CTIF: variants seen among roughly 807,000 people sequenced by gnomAD.
The protein encoded by CTIF is CBP80/20-dependent translation initiation factor.
CTIF carries 21 observed loss-of-function variants against 66.0 expected under a neutral mutation model. The observed-to-expected ratio is 0.32, with a 90% CI of 0.23 to 0.46. The LOEUF is 0.46. Ranked by LOEUF, CTIF falls within the 20% of genes least tolerant of loss-of-function variation. The pLI is 1.00. For missense variants in CTIF, 739 were observed against 812.7 expected (o/e 0.91, Z 1.10); for synonymous variants, 345 against 326.4 (o/e 1.06, Z -0.62).
chr18:48,641,774 C>G (rs901742787), intron 3 of CTIF, among the ~76,000 whole-genome samples: 5 of 152,218 alleles, frequency 3.3e-5, no homozygotes, highest in Non-Finnish European at 5.9e-5. Context: ...GGATCCAAAT[C>G]ACTGCCACAG....
rs1257831545 is a variant in CTIF at position 48,711,683 on chromosome 18, G to A, written c.572G>A (p.Arg191Lys). Residue 191 changes from arginine to lysine, a missense_variant, in exon 7 of 12, where the codon AGA (arginine) becomes AAA (lysine). Coordinates refer to ENST00000256413, the MANE Select transcript of CTIF (RefSeq NM_014772.3). ...AHTKKLFRRRRNDRRRQQRPP... is the reference protein window; with the variant it reads ...AHTKKLFRRRKNDRRRQQRPP... ...ACCAAGAAGCTGTTCCGCAGGAGGA[G>A]AAATGATCGAAGGTAGGAGAGACTT... 1.9e-6 allele frequency: 3 copies of A among 1,614,084 alleles called. No individual in the cohort carries two copies. The highest frequency in any genetic ancestry group is 2.5e-6 in the Non-Finnish European group (3 of 1,179,926).
At chr18:48,748,651 C>G (rs563807845) in intron 7 of CTIF, among the ~76,000 whole-genome samples, 1 of 152,274 alleles carries the variant, frequency 6.6e-6, no homozygotes, top group African/African-American at 2.4e-5. Context: ...CCAGCTAGAC[C>G]AAGGCAAAAC....
At position 48,859,691 on chromosome 18, in the gene CTIF, G is replaced by A. The variant is rs1236547207; in HGVS notation, c.*132G>A. The stretch of plus-strand genomic sequence containing the variant: ...GGGAGGAGGGCAGGCAGAGTCGGTG[G>A]CCAGTCTGGAGCCAGACGGGGAAGG... On this transcript the variant is annotated 3_prime_UTR_variant, in exon 12 of 12. Transcript: ENST00000256413. The A allele has an allele frequency of 2.4e-6, 2 of 841,126 alleles. No homozygotes were observed. The highest frequency in any genetic ancestry group is 3.9e-6 in the Non-Finnish European group (2 of 508,514). The allele number at this position is 841,126 out of a possible 1,614,324, so 52.1% of individuals were successfully genotyped here.
chr18:48,694,808 A>G (rs1289131939), intron 6 of CTIF, among the ~76,000 whole-genome samples: 1 of 152,228 alleles, frequency 6.6e-6, no homozygotes, highest in Non-Finnish European at 1.5e-5. Flanking sequence ...AAAATTAACA[A>G]GTTGGAGTCG....
At chr18:48,616,168 C>G (rs979987639) in intron 1 of CTIF, among the ~76,000 whole-genome samples, 1 of 152,230 alleles carries the variant, frequency 6.6e-6, no homozygotes, top group Non-Finnish European at 1.5e-5. Context: ...TCCGACTGCA[C>G]CTGTTAGGTG....
chr18:48,696,703 G>A (rs1381761174), intron 6 of CTIF, among the ~76,000 whole-genome samples: 1 of 152,162 alleles, frequency 6.6e-6, no homozygotes, highest in East Asian at 1.9e-4. Flanking sequence ...TACAACGAAA[G>A]GTAGGTATTA....
At position 48,674,910 on chromosome 18, in the gene CTIF, A is replaced by G. The variant is rs537786345; in HGVS notation, c.507+4166A>G. ...CACTGGTGGCTGGAGGGAAAGGAGC[A>G]GGTACGCTGGGATAGGAGCTAGCCA... On this transcript the variant is annotated intron_variant, in intron 6 of 11. Coordinates refer to ENST00000256413, the MANE Select transcript of CTIF (RefSeq NM_014772.3). Among the ~76,000 whole-genome samples the G allele has an allele frequency of 1.8e-4, 28 of 152,324 alleles. No homozygotes were observed. The South Asian group carries it at 5.6e-3, about 30-fold the overall frequency.
intron 6 of CTIF, among the ~76,000 whole-genome samples, chr18:48,671,781 A>G (rs951323824): frequency 1.3e-5 from 2 of 150,184 alleles, no homozygotes; most frequent in Non-Finnish European, 3.0e-5. Flanking sequence ...ATCTTTTCCC[A>G]TGGCTCACCA....
intron 9 of CTIF, among the ~76,000 whole-genome samples, chr18:48,810,651 G>A (rs954535101): frequency 8.6e-4 from 130 of 150,456 alleles, no homozygotes; most frequent in African/African-American, 2.1e-3. Context: ...TCATTTAATC[G>A]GCCATAGAAT....
At chr18:48,691,908 G>A (rs2145271338) in intron 6 of CTIF, among the ~76,000 whole-genome samples, 1 of 152,268 alleles carries the variant, frequency 6.6e-6, no homozygotes, top group East Asian at 1.9e-4. Context: ...TTGAGACAGA[G>A]TCTCACTCTG....
chr18:48,839,485 C>G (rs142059586), intron 10 of CTIF, among the ~76,000 whole-genome samples: 16 of 152,338 alleles, frequency 1.1e-4, no homozygotes, highest in African/African-American at 3.6e-4. Context: ...AGATACTATC[C>G]TAAACACCCC....
chr18:48,670,779 C>T, intron 6 of CTIF, 35 bp downstream of exon 6: 1 of 1,567,840 alleles, frequency 6.4e-7, no homozygotes. Flanking sequence ...ACAGCCCACC[C>T]CCACCCCTGG....
At chr18:48,634,715 G>A (rs372648312) in intron 2 of CTIF, among the ~76,000 whole-genome samples, 2 of 152,172 alleles carry the variant, frequency 1.3e-5, no homozygotes, top group African/African-American at 2.4e-5. Context: ...ATTGTGGTCC[G>A]CAGGGGTCAG....
In CTIF at chr18:48,730,284, G is replaced by C. The variant is rs371423363; in HGVS notation, c.584+18589G>C. 4.0e-5 allele frequency among the ~76,000 whole-genome samples: 6 copies of C among 148,224 alleles called. No homozygotes were observed. The East Asian group carries it at 1.0e-3, about 25-fold the overall frequency. On this transcript the variant is annotated intron_variant, in intron 7 of 11. Coordinates refer to ENST00000256413, the MANE Select transcript of CTIF (RefSeq NM_014772.3). Reference sequence around the variant, plus strand: ...CCCCGCAGTGTGAGGGCCTCCTGGGGTGTGAGGGGCCCCTGAGGTGTGAGG... The same window carrying C: ...CCCCGCAGTGTGAGGGCCTCCTGGGCTGTGAGGGGCCCCTGAGGTGTGAGG...
At chr18:48,781,353 C>T (rs1385039177) in intron 9 of CTIF, among the ~76,000 whole-genome samples, 4 of 152,142 alleles carry the variant, frequency 2.6e-5, no homozygotes, top group South Asian at 2.1e-4. Flanking sequence ...AGCAGAGACT[C>T]GGCGTCACAG....
At chr18:48,562,460 C>T (rs998823544) in intron 1 of CTIF, among the ~76,000 whole-genome samples, 17 of 152,216 alleles carry the variant, frequency 1.1e-4, no homozygotes, top group African/African-American at 4.1e-4. Context: ...GGAGCAGGCC[C>T]CACTAACTAG....
At chr18:48,792,845 G>A (rs1238454150) in intron 9 of CTIF, among the ~76,000 whole-genome samples, 3 of 152,200 alleles carry the variant, frequency 2.0e-5, no homozygotes, top group African/African-American at 7.2e-5. Context: ...TGTTGGAATT[G>A]TGCAATAGGA....
chr18:48,776,592 G>A (rs1426365651), intron 9 of CTIF, among the ~76,000 whole-genome samples: 3 of 152,248 alleles, frequency 2.0e-5, no homozygotes, highest in Admixed American at 6.5e-5. Context: ...TAGGGGAAAC[G>A]AGGGCACTGG....
In CTIF at chr18:48,860,870, C is replaced by T. The variant is rs1393113228; in HGVS notation, c.*1311C>T. 1 of 152,186 alleles carries T rather than the reference C, an allele frequency of 6.6e-6. No homozygotes were observed. Among genetic ancestry groups the T allele is most frequent in the African/African-American group, 2.4e-5 (1 of 41,440 alleles). The allele number at this position is 152,186 out of a possible 1,614,324, so 9.4% of individuals were successfully genotyped here. ...AAACAAGACGGGGTTTCTTGGCAGG[C>T]CCTGGTCCTGGGGAGCAGGCCCTGT... is the stretch of plus-strand genomic sequence containing the variant. On this transcript the variant is annotated 3_prime_UTR_variant, in exon 12 of 12. Coordinates refer to ENST00000256413, the MANE Select transcript of CTIF (RefSeq NM_014772.3).
Sources: allele counts gnomAD v4.1 joint callset (sites outside exome capture counted in the v4.1 genomes callset), GRCh38; gene constraint gnomAD v4.1.1; transcripts MANE v1.5; gene names NCBI Gene and HGNC (gene_info 2026-07-23, HGNC 2026-07-21).